Variants in CNTLN observed in about 807,000 individuals in gnomAD.
The protein encoded by CNTLN is centlein.
Under a neutral mutation model 180.0 loss-of-function variants are expected in CNTLN, and 212 were observed. The observed-to-expected ratio is 1.18, with a 90% CI of 1.05 to 1.32. CNTLN has a LOEUF of 1.32. Among genes scored for constraint, CNTLN ranks in the 40% most tolerant of loss-of-function variants. CNTLN has a pLI of 0.00. For missense variants in CNTLN, 2,095 were observed against 1,610.9 expected (o/e 1.30, Z -5.14); for synonymous variants, 722 against 563.1 (o/e 1.28, Z -3.99).
rs75917916 is a variant in CNTLN at position 17,422,171 on chromosome 9, C to T, written c.3114+5982C>T. 2.8e-3 allele frequency among the ~76,000 whole-genome samples: 430 copies of T among 152,230 alleles called. 2 individuals are homozygous for T. Among genetic ancestry groups the T allele is most frequent in the Non-Finnish European group, 4.3e-3 (294 of 67,990 alleles). Reference sequence around the variant, plus strand: ...TATTTTTGGTGTGTATAATACACTACGATAAACGTTCTTTTCTTTAGCACT... The same window carrying T: ...TATTTTTGGTGTGTATAATACACTATGATAAACGTTCTTTTCTTTAGCACT... On this transcript the variant is annotated intron_variant, in intron 18 of 25. Coordinates refer to ENST00000380647, the MANE Select transcript of CNTLN (RefSeq NM_017738.4).
At chr9:17,213,553 C>A (rs1263160303) in intron 2 of CNTLN, among the ~76,000 whole-genome samples, 1 of 152,162 alleles carries the variant, frequency 6.6e-6, no homozygotes, top group Non-Finnish European at 1.5e-5. Context: ...GTGAAGAGTT[C>A]TGTAGATGTC....
Position 17,183,288 on chromosome 9 carries a change from A to G in CNTLN, c.449+39912A>G, listed in dbSNP as rs561188791. Among the ~76,000 whole-genome samples, 9 of 152,208 alleles carry G rather than the reference A, an allele frequency of 5.9e-5. No individual in the cohort carries two copies. The South Asian group carries it at 1.7e-3, about 28-fold the overall frequency. ...TTATAGACATGAATGGGACATATCC[A>G]CTCTGTCATTTGGAATATCACAGAA... On this transcript the variant is annotated intron_variant, in intron 2 of 25. Coordinates refer to ENST00000380647, the MANE Select transcript of CNTLN (RefSeq NM_017738.4).
At chr9:17,282,660 C>T (rs1047586349) in intron 6 of CNTLN, among the ~76,000 whole-genome samples, 5 of 152,002 alleles carry the variant, frequency 3.3e-5, no homozygotes, top group African/African-American at 7.3e-5. Context: ...AATCTTTGCC[C>T]GGGCCTATAT....
chr9:17,233,488 T>C (rs1824937617), intron 3 of CNTLN, among the ~76,000 whole-genome samples: 1 of 152,154 alleles, frequency 6.6e-6, no homozygotes, highest in Admixed American at 6.6e-5. Context: ...TGCCACTTAT[T>C]GTAACTAAAT....
rs1473211127 is a variant in CNTLN at position 17,279,072 on chromosome 9, A to G, written c.983+5206A>G. 4.6e-5 allele frequency among the ~76,000 whole-genome samples: 7 copies of G among 151,778 alleles called. No homozygotes were observed. In the East Asian group the frequency reaches 1.4e-3, roughly 29 times the overall value. ...AACTAAGAACAAACTGATACGAAAA[A>G]CCTTGGCGATTCATGTTATTATTTT... On this transcript the variant is annotated intron_variant, in intron 6 of 25. Transcript: ENST00000380647.
chr9:17,273,927 A>C, intron 6 of CNTLN, 61 bp downstream of exon 6: 1 of 1,243,582 alleles, frequency 8.0e-7, no homozygotes, highest in Non-Finnish European at 1.1e-6. Context: ...TCAGAATGAT[A>C]CCATTTATAC....
intron 5 of CNTLN, among the ~76,000 whole-genome samples, chr9:17,257,438 G>T (rs1025359991): frequency 1.6e-4 from 25 of 151,948 alleles, no homozygotes; most frequent in Admixed American, 2.6e-4. Context: ...AGTAAACATA[G>T]GTGTGCATGT....
chr9:17,407,143 G>A (rs1361479826), intron 15 of CNTLN, among the ~76,000 whole-genome samples: 2 of 152,142 alleles, frequency 1.3e-5, no homozygotes, highest in African/African-American at 4.8e-5. Context: ...ATTGCTGTTG[G>A]TATTTTGAAG....
chr9:17,173,818 A>G (rs1312094989), intron 2 of CNTLN, among the ~76,000 whole-genome samples: 1 of 152,238 alleles, frequency 6.6e-6, no homozygotes, highest in Non-Finnish European at 1.5e-5. Flanking sequence ...ATGCAGTTAC[A>G]GGAAATAATA....
intron 2 of CNTLN, among the ~76,000 whole-genome samples, chr9:17,173,262 C>G (rs1233917097): frequency 1.3e-5 from 2 of 151,922 alleles, no homozygotes; most frequent in Admixed American, 6.6e-5. Flanking sequence ...GTCTTCTAAC[C>G]TGATAGATGA....
At chr9:17,395,137 G>C (rs1027472561) in intron 15 of CNTLN, 68 bp downstream of exon 15, 4 of 1,490,456 alleles carry the variant, frequency 2.7e-6, no homozygotes, top group Middle Eastern at 1.8e-4. Context: ...AGCAAATGGA[G>C]ATTGAATTTC....
At chr9:17,159,128 C>T (rs1819501627) in intron 2 of CNTLN, among the ~76,000 whole-genome samples, 1 of 152,112 alleles carries the variant, frequency 6.6e-6, no homozygotes, top group Non-Finnish European at 1.5e-5. Flanking sequence ...GTGAGCTTCT[C>T]AGTTTTCCAA....
In CNTLN at chr9:17,431,906, G is replaced by A. The variant is rs113167195; in HGVS notation, c.3114+15717G>A. 9.9e-3 allele frequency among the ~76,000 whole-genome samples: 1,502 copies of A among 152,200 alleles called. 32 individuals are homozygous for A. The highest frequency in any genetic ancestry group is 0.035 in the African/African-American group (1,445 of 41,526). ...TCAAACAAATATATTTCATAAACTA[G>A]GAAGCATCTTATTAAAGCACTTCTC... On this transcript the variant is annotated intron_variant, in intron 18 of 25. Transcript: ENST00000380647.
At chr9:17,479,251 A>G (rs1409218033) in intron 23 of CNTLN, among the ~76,000 whole-genome samples, 2 of 152,238 alleles carry the variant, frequency 1.3e-5, no homozygotes, top group African/African-American at 4.8e-5. Context: ...TCCTGTGTTC[A>G]TTGCAGGACT....
intron 5 of CNTLN, among the ~76,000 whole-genome samples, chr9:17,240,951 C>T (rs1376076361): frequency 5.9e-5 from 9 of 152,028 alleles, no homozygotes; most frequent in Non-Finnish European, 8.8e-5. Context: ...CTCTGCCTCC[C>T]GGGTTCATGC....
At chr9:17,150,250 C>T (rs1402162934) in intron 2 of CNTLN, among the ~76,000 whole-genome samples, 4 of 152,118 alleles carry the variant, frequency 2.6e-5, no homozygotes, top group Non-Finnish European at 5.9e-5. Context: ...AATGGTATTG[C>T]CCAGGTTTTC....
intron 2 of CNTLN, among the ~76,000 whole-genome samples, chr9:17,190,326 A>T (rs1190430034): frequency 6.6e-6 from 1 of 151,742 alleles, no homozygotes; most frequent in East Asian, 1.9e-4. Context: ...CTCCCTTATG[A>T]CTAGAAGTTA....
the CNTLN span, among the ~76,000 whole-genome samples, chr9:17,518,456 T>C: frequency 0.083 from 12,646 of 152,146 alleles, 1,502 homozygotes; most frequent in African/African-American, 0.26. Context: ...TGCCCCTCCT[T>C]CCAAGAATTC....
intron 2 of CNTLN, among the ~76,000 whole-genome samples, chr9:17,215,438 C>T (rs913093989): frequency 2.6e-4 from 39 of 152,186 alleles, no homozygotes; most frequent in African/African-American, 9.2e-4. Context: ...AGTACCCAGA[C>T]ATGTGAGGTG....
Sources: gnomAD v4.1 joint callset for allele counts (sites outside exome capture counted in the v4.1 genomes callset) on GRCh38, gnomAD v4.1.1 for gene constraint, MANE v1.5 for transcripts, NCBI Gene and HGNC (gene_info 2026-07-23, HGNC 2026-07-21) for gene names.